Variants in FOCAD observed in about 807,000 individuals in gnomAD.
The protein encoded by FOCAD is KIAA1797.
Under a neutral mutation model 225.6 loss-of-function variants are expected in FOCAD, and 198 were observed. The ratio of observed to expected loss-of-function variants is 0.88; its 90% confidence interval spans 0.78 to 0.99. The LOEUF (loss-of-function observed/expected upper bound fraction) is 0.99. Ranked by LOEUF, FOCAD falls within the 50% of genes least tolerant of loss-of-function variation. The pLI, the probability that FOCAD is intolerant of heterozygous loss-of-function variation, is 0.00. For missense variants in FOCAD, 2,713 were observed against 2,123.6 expected (o/e 1.28, Z -5.46); for synonymous variants, 897 against 755.0 (o/e 1.19, Z -3.08).
Position 20,770,291 on chromosome 9 carries a change from G to GA in FOCAD, c.906+54dup. ...CATGCATTGCTATTAAGAAATACCTGAGACTTGGTAATTTATAAAGAAATG... is the reference window on the plus strand; with the variant it reads ...CATGCATTGCTATTAAGAAATACCTGAAGACTTGGTAATTTATAAAGAAATG... On this transcript the variant is annotated intron_variant, in intron 8 of 43. Transcript: ENST00000338382. 12 of 1,468,488 alleles carry GA rather than the reference G, an allele frequency of 8.2e-6. No homozygotes were observed. In the South Asian group the frequency reaches 1.4e-4, roughly 17 times the overall value. 91.0% of individuals were successfully genotyped at this position (1,468,488 alleles called of 1,614,324 possible).
At chr9:20,936,554 C>A (rs747036137) in intron 28 of FOCAD, among the ~76,000 whole-genome samples, 1 of 152,068 alleles carries the variant, frequency 6.6e-6, no homozygotes, top group Non-Finnish European at 1.5e-5. Flanking sequence ...TGAGGCCGGG[C>A]GCGGTGGCTC....
chr9:20,672,043 T>C (rs985250273), intron 2 of FOCAD, among the ~76,000 whole-genome samples: 5 of 152,054 alleles, frequency 3.3e-5, no homozygotes, highest in African/African-American at 1.2e-4. Context: ...CTGTAGCTTA[T>C]AAAGACAACA....
chr9:20,973,963 T>C (rs71504763), intron 35 of FOCAD, among the ~76,000 whole-genome samples: 8,889 of 35,946 alleles, frequency 0.25, 43 homozygotes, highest in East Asian at 0.39. Context: ...CTCCTTTCTG[T>C]AGCTGTTTTT....
At chr9:20,788,310 G>C (rs1820152061) in intron 10 of FOCAD, among the ~76,000 whole-genome samples, 1 of 152,114 alleles carries the variant, frequency 6.6e-6, no homozygotes, top group Admixed American at 6.5e-5. Flanking sequence ...GGTTGGGGGA[G>C]TAAGGAGTGA....
At chr9:20,856,873 C>T (rs1470951983) in intron 15 of FOCAD, among the ~76,000 whole-genome samples, 1 of 151,850 alleles carries the variant, frequency 6.6e-6, no homozygotes, top group Non-Finnish European at 1.5e-5. Flanking sequence ...GTTCTTGGCA[C>T]CTTTGTCAAA....
chr9:20,835,175 G>A (rs977989522), intron 15 of FOCAD, among the ~76,000 whole-genome samples: 5 of 151,924 alleles, frequency 3.3e-5, no homozygotes, highest in Non-Finnish European at 5.9e-5. Flanking sequence ...TTCTACTTCA[G>A]TAAATCAAAA....
chr9:20,861,947 C>G (rs777703958), intron 15 of FOCAD, among the ~76,000 whole-genome samples: 1 of 151,956 alleles, frequency 6.6e-6, no homozygotes, highest in Non-Finnish European at 1.5e-5. Flanking sequence ...AAAATTGGGT[C>G]AAGTTAGAAA....
At chr9:20,903,228 C>T (rs563276852) in intron 21 of FOCAD, among the ~76,000 whole-genome samples, 1 of 151,946 alleles carries the variant, frequency 6.6e-6, no homozygotes, top group Non-Finnish European at 1.5e-5. Context: ...TTCATCTAGA[C>T]AAATTTTACT....
chr9:20,707,769 C>CA (rs1171242621), intron 1 of FOCAD, among the ~76,000 whole-genome samples: 3 of 152,080 alleles, frequency 2.0e-5, no homozygotes, highest in Non-Finnish European at 4.4e-5. Context: ...GACCTTTTCT[C>CA]AAGGGTCAAC....
At chr9:20,756,612 G>A (rs1455762842) in intron 5 of FOCAD, among the ~76,000 whole-genome samples, 3 of 152,170 alleles carry the variant, frequency 2.0e-5, no homozygotes, top group African/African-American at 7.2e-5. Flanking sequence ...TTGCAACCAA[G>A]AATAGGAACC....
intron 8 of FOCAD, among the ~76,000 whole-genome samples, chr9:20,773,612 A>C (rs748452355): frequency 1.3e-5 from 2 of 152,172 alleles, no homozygotes; most frequent in Non-Finnish European, 2.9e-5. Flanking sequence ...CTGACTATTC[A>C]GACTTCTATA....
intron 37 of FOCAD, among the ~76,000 whole-genome samples, chr9:20,979,882 A>G (rs981735539): frequency 5.3e-5 from 8 of 152,176 alleles, no homozygotes; most frequent in Admixed American, 1.3e-4. Context: ...TTTTAAAAGT[A>G]GCTTTGTTGA....
At chr9:20,798,435 C>T (rs1230144298) in intron 11 of FOCAD, among the ~76,000 whole-genome samples, 2 of 152,054 alleles carry the variant, frequency 1.3e-5, no homozygotes, top group African/African-American at 4.8e-5. Flanking sequence ...CTAGCTCCTC[C>T]TTGTACCTCT....
chr9:20,986,194 A>G, intron 39 of FOCAD, 94 bp from the exon 40 acceptor site: 1 of 1,170,704 alleles, frequency 8.5e-7, no homozygotes, highest in Non-Finnish European at 1.1e-6. Context: ...GTAACATCCA[A>G]CTCATCTTTT....
chr9:20,834,457 AAAAAG>A (rs1825805940), intron 15 of FOCAD, among the ~76,000 whole-genome samples: 1 of 152,084 alleles, frequency 6.6e-6, no homozygotes, highest in African/African-American at 2.4e-5. Flanking sequence ...AAAAGTTGGA[AAAAAG>A]AAAAGAAAAC....
intron 5 of FOCAD, among the ~76,000 whole-genome samples, chr9:20,742,355 T>C (rs1827698767): frequency 6.6e-6 from 1 of 152,220 alleles, no homozygotes; most frequent in African/African-American, 2.4e-5. Context: ...TCCTAATTAC[T>C]TGGGGACCTT....
intron 5 of FOCAD, among the ~76,000 whole-genome samples, chr9:20,757,110 G>C (rs887489777): frequency 6.6e-6 from 1 of 152,076 alleles, no homozygotes; most frequent in African/African-American, 2.4e-5. Flanking sequence ...TGTATTTTTA[G>C]TAGAGACAGG....
At position 20,720,469 on chromosome 9, in the gene FOCAD, T is replaced by A; in HGVS notation, c.222T>A (p.Val74=). ...GCTGTGAAGGTCTGGTGGCACTCGT[T>A]GCTCAGGATCATGCAGAGTTCAGCT... is the stretch of plus-strand genomic sequence containing the variant. ...TACCEGLVAL[V]AQDHAEFSYV... Residue 74 remains valine, a synonymous_variant, in exon 4 of 44, where the codon GTT becomes GTA. Transcript: ENST00000338382. The A allele has an allele frequency of 6.2e-7, 1 of 1,614,136 alleles. No homozygotes were observed. The highest frequency in any genetic ancestry group is 8.5e-7 in the Non-Finnish European group (1 of 1,179,980).
At position 20,842,720 on chromosome 9, in the gene FOCAD, G is replaced by A. The variant is rs111676858; in HGVS notation, c.1920+19605G>A. Reference sequence around the variant, plus strand: ...AGAGTTTAGGCCACTTATATTCAATGTGATTATTGATAAGTAAGGGCTTAT... The same window carrying A: ...AGAGTTTAGGCCACTTATATTCAATATGATTATTGATAAGTAAGGGCTTAT... On this transcript the variant is annotated intron_variant, in intron 15 of 43. Transcript: ENST00000338382. Among the ~76,000 whole-genome samples, 956 of 152,060 alleles carry A rather than the reference G, an allele frequency of 6.3e-3. 12 individuals are homozygous for A. Among genetic ancestry groups the A allele is most frequent in the African/African-American group, 0.022 (910 of 41,530 alleles).
Sources: gnomAD v4.1 joint callset for allele counts (sites outside exome capture counted in the v4.1 genomes callset) on GRCh38, gnomAD v4.1.1 for gene constraint, MANE v1.5 for transcripts, NCBI Gene and HGNC (gene_info 2026-07-23, HGNC 2026-07-21) for gene names.